FHIP2B: variants seen among roughly 807,000 people sequenced by gnomAD.
The protein encoded by FHIP2B is FHF complex subunit HOOK-interacting protein 2B.
A neutral mutation model predicts 84.0 loss-of-function variants in FHIP2B; 72 were observed. That is an observed-to-expected ratio of 0.86 (90% CI 0.71 to 1.04). FHIP2B has a LOEUF of 1.04. FHIP2B is among the 50% of genes least tolerant of loss of function. FHIP2B has a pLI of 0.00. For missense variants in FHIP2B, 972 were observed against 968.9 expected (o/e 1.00, Z -0.04); for synonymous variants, 497 against 418.7 (o/e 1.19, Z -2.28).
rs768985962 is a variant in FHIP2B at position 22,102,521 on chromosome 8, G to A, written c.1993-7G>A. On this transcript the variant is annotated splice_region_variant and splice_polypyrimidine_tract_variant and intron_variant, in intron 15 of 16. Coordinates refer to ENST00000289921, the MANE Select transcript of FHIP2B (RefSeq NM_022749.7). The stretch of plus-strand genomic sequence containing the variant: ...CCCATCTGAGTCCCCTGTGATTCCC[G>A]CTGTAGGTGATCGGGGACTTGATGC... 9.5e-5 allele frequency: 147 copies of A among 1,554,484 alleles called. No individual in the cohort carries two copies. Among genetic ancestry groups the A allele is most frequent in the Middle Eastern group, 1.7e-4 (1 of 6,008 alleles).
chr8:22,098,932 T>C lies in FHIP2B; in HGVS notation c.966-16T>C. On this transcript the variant is annotated splice_polypyrimidine_tract_variant and intron_variant, in intron 7 of 16. Transcript: ENST00000289921. ...CCTTCTCCACTCTCTGAGACTTCACTCCCCTCTTCCTTCAGGTTACCCAGT... is the reference window on the plus strand; with the variant it reads ...CCTTCTCCACTCTCTGAGACTTCACCCCCCTCTTCCTTCAGGTTACCCAGT... The C allele has an allele frequency of 6.3e-7, 1 of 1,584,304 alleles. No homozygotes were observed. The highest frequency in any genetic ancestry group is 8.6e-7 in the Non-Finnish European group (1 of 1,161,724).
Position 22,102,263 on chromosome 8 carries a change from C to G in FHIP2B, c.1940C>G (p.Pro647Arg), listed in dbSNP as rs762032351. The change falls in exon 15 of 17, where the codon CCG (proline) becomes CGG (arginine). Residue 647 changes from proline to arginine, a missense_variant. Physicochemically the swap from Pro to Arg is moderately radical, Grantham distance 103. Transcript: ENST00000289921. ...CATATTCATGAGTACCTGCTGGATC[C>G]GTACATCAGCCTGGCCCCCGGCTGC... is the stretch of plus-strand genomic sequence containing the variant. ...HPHIHEYLLDPYISLAPGCRS... is the reference protein window; with the variant it reads ...HPHIHEYLLDRYISLAPGCRS... 6.2e-7 allele frequency: 1 copy of G among 1,613,214 alleles called. No individual in the cohort carries two copies. The highest frequency in any genetic ancestry group is 1.3e-5 in the African/African-American group (1 of 75,036).
At position 22,101,509 on chromosome 8, in the gene FHIP2B, C is replaced by T. The variant is rs746023960; in HGVS notation, c.1686C>T (p.Tyr562=). 3.2e-5 allele frequency: 52 copies of T among 1,612,494 alleles called. No homozygotes were observed. Among genetic ancestry groups the T allele is most frequent in the Non-Finnish European group, 4.1e-5 (48 of 1,179,052 alleles). Residue 562 remains tyrosine, a synonymous_variant, in exon 13 of 17, where the codon TAC becomes TAT. Coordinates refer to ENST00000289921, the MANE Select transcript of FHIP2B (RefSeq NM_022749.7). ...AFLEETGYDT[Y]VHDAYGLFQE... ...TGGAGGAGACAGGCTATGACACATA[C>T]GTCCACGATGCTTATGGCCTGGTGA... is the stretch of plus-strand genomic sequence containing the variant.
chr8:22,098,650 C>T (rs1489348020), intron 7 of FHIP2B, 31 bp downstream of exon 7: 2 of 1,509,590 alleles, frequency 1.3e-6, no homozygotes, highest in African/African-American at 1.4e-5. Flanking sequence ...GGCCGGCCAG[C>T]ATCTTCAGTT....
In FHIP2B at chr8:22,102,240, T is replaced by A; in HGVS notation, c.1917T>A (p.His639Gln). ...LSRLALFPHP[H>Q]IHEYLLDPYI... is the part of the protein sequence containing the mutation. ...GGCTTGCCCTCTTCCCCCACCCCCA[T>A]ATTCATGAGTACCTGCTGGATCCGT... The change falls in exon 15 of 17, where the codon CAT becomes CAA. Residue 639 changes from histidine to glutamine, a missense_variant. By Grantham distance (24) the His-to-Gln change is conservative (BLOSUM62 0). Coordinates refer to ENST00000289921, the MANE Select transcript of FHIP2B (RefSeq NM_022749.7). The A allele has an allele frequency of 6.2e-7, 1 of 1,613,084 alleles. No individual in the cohort carries two copies. The highest frequency in any genetic ancestry group is 1.1e-5 in the South Asian group (1 of 91,082).
Position 22,101,651 on chromosome 8 carries a change from C to G in FHIP2B, c.1708-57C>G, listed in dbSNP as rs1012026490. On this transcript the variant is annotated intron_variant, in intron 13 of 16. Transcript: ENST00000289921. ...CAGCCCATCCCTCCTGCGTGGGGCC[C>G]TGTCTGCTGGTTCCCAGTCCCCAGG... is the stretch of plus-strand genomic sequence containing the variant. 36 of 1,567,618 alleles carry G rather than the reference C, an allele frequency of 2.3e-5. No individual in the cohort carries two copies. The African/African-American group carries it at 3.8e-4, about 17-fold the overall frequency.
rs747356412 is a variant in FHIP2B at position 22,099,740 on chromosome 8, C to T, written c.1188C>T (p.Leu396=). The T allele has an allele frequency of 3.1e-6, 5 of 1,603,608 alleles. No individual in the cohort carries two copies. The highest frequency in any genetic ancestry group is 4.2e-6 in the Non-Finnish European group (5 of 1,177,564). Residue 396 remains leucine, a synonymous_variant, in exon 10 of 17, where the codon CTC becomes CTT. Transcript: ENST00000289921. ...GCATCTTGACCTCCACCGCCCTCCT[C>T]ACAGCCATGCTGCGCCAGCTTCGCT... ...EQSILTSTAL[L]TAMLRQLRSP...
In FHIP2B at chr8:22,096,336, G is replaced by C. The variant is rs1294215098; in HGVS notation, c.125-1G>C. The C allele has an allele frequency of 3.9e-6, 6 of 1,549,750 alleles. No individual in the cohort carries two copies. The highest frequency in any genetic ancestry group is 1.4e-5 in the African/African-American group (1 of 73,166). The stretch of plus-strand genomic sequence containing the variant: ...CACCCTTGTTTCCCAAACATCATTA[G>C]ATGAAAGCACCCCCGCCAAGAAGAC... On this transcript the variant is annotated splice_acceptor_variant, in intron 2 of 16. Coordinates refer to ENST00000289921, the MANE Select transcript of FHIP2B (RefSeq NM_022749.7). LOFTEE classifies it high-confidence loss of function.
At chr8:22,094,957 G>A (rs1373952964) in intron 2 of FHIP2B, 1 of 978,618 alleles carries the variant, frequency 1.0e-6, no homozygotes, top group East Asian at 1.1e-4. Flanking sequence ...TCTGGGGTAG[G>A]AGGAGAACGA....
Position 22,101,433 on chromosome 8 carries a change from C to G in FHIP2B, c.1617-7C>G. The G allele has an allele frequency of 6.2e-7, 1 of 1,604,174 alleles. No individual in the cohort carries two copies. Among genetic ancestry groups the G allele is most frequent in the East Asian group, 2.2e-5 (1 of 44,522 alleles). On this transcript the variant is annotated splice_region_variant and splice_polypyrimidine_tract_variant and intron_variant, in intron 12 of 16. Transcript: ENST00000289921. ...GGAGCGCCTCCACACCGGCTTCTAT[C>G]TCTCAGTTTCCTGTGCCTGGTCCCC...
At chr8:22,093,805 C>T (rs1034294462) in intron 1 of FHIP2B, among the ~76,000 whole-genome samples, 5 of 145,398 alleles carry the variant, frequency 3.4e-5, no homozygotes, top group African/African-American at 1.3e-4. Context: ...AAGCCTTGAC[C>T]TCCCTGGGCT....
At chr8:22,097,222 C>G (rs969487843) in intron 3 of FHIP2B, among the ~76,000 whole-genome samples, 1 of 152,074 alleles carries the variant, frequency 6.6e-6, no homozygotes, top group African/African-American at 2.4e-5. Flanking sequence ...AACGGGCCCT[C>G]TGAGCCGGAA....
At chr8:22,096,114 A>T in intron 2 of FHIP2B, 1 of 488,388 alleles carries the variant, frequency 2.0e-6, no homozygotes, top group South Asian at 3.0e-5. Context: ...CTGGGCATGC[A>T]TGCGTTCTCA....
intron 3 of FHIP2B, chr8:22,096,830 A>C: frequency 2.2e-5 from 5 of 231,336 alleles, no homozygotes; most frequent in East Asian, 1.0e-4. Flanking sequence ...CTCCACAAAG[A>C]TGGGCCTGCC....
intron 7 of FHIP2B, 92 bp downstream of exon 7, chr8:22,098,711 T>A (rs79246017): frequency 0.065 from 85,530 of 1,319,990 alleles, 3,280 homozygotes; most frequent in Non-Finnish European, 0.074. Flanking sequence ...GGTTCCACGT[T>A]GCTAGGGACC....
chr8:22,097,112 A>G (rs1007862526), intron 3 of FHIP2B: 1 of 252,580 alleles, frequency 4.0e-6, no homozygotes, highest in South Asian at 6.8e-5. Flanking sequence ...TGATGGGTCA[A>G]TAATGACCCA....
chr8:22,098,444 G>C lies in FHIP2B; in HGVS notation c.790G>C (p.Ala264Pro). Reference protein sequence around the residue: ...QSKKSRVALKAQENLLLLVSM... With the variant: ...QSKKSRVALKPQENLLLLVSM... ...CTAGAAGAGTCGGGTGGCCTTGAAG[G>C]CCCAGGAGAACCTGCTGCTCCTGGT... Residue 264 changes from alanine to proline, a missense_variant, in exon 7 of 17, where the codon GCC becomes CCC. Physicochemically the swap from Ala to Pro is conservative, Grantham distance 27. Coordinates refer to ENST00000289921, the MANE Select transcript of FHIP2B (RefSeq NM_022749.7). The C allele has an allele frequency of 6.2e-7, 1 of 1,602,690 alleles. No individual in the cohort carries two copies.
At chr8:22,099,204 A>G in intron 8 of FHIP2B, 80 bp from the exon 9 acceptor site, 1 of 1,549,424 alleles carries the variant, frequency 6.5e-7, no homozygotes, top group Non-Finnish European at 8.8e-7. Flanking sequence ...CTGTGGCATC[A>G]GGCGCCGCGC....
chr8:22,098,806 T>A (rs1207037847), intron 7 of FHIP2B, 142 bp from the exon 8 acceptor site: 1 of 937,442 alleles, frequency 1.1e-6, no homozygotes, highest in East Asian at 2.6e-5. Context: ...TTGCTGCCTC[T>A]GTCCATAAAA....
Sources: gnomAD v4.1 joint callset for allele counts (sites outside exome capture counted in the v4.1 genomes callset) on GRCh38, gnomAD v4.1.1 for gene constraint, MANE v1.5 for transcripts, NCBI Gene and HGNC (gene_info 2026-07-23, HGNC 2026-07-21) for gene names.